Variants in TTC39C observed in about 807,000 individuals in gnomAD.
The protein encoded by TTC39C is tetratricopeptide repeat domain 39C, also known as tetratricopeptide repeat protein 39C.
A neutral mutation model predicts 76.3 loss-of-function variants in TTC39C; 33 were observed. The observed-to-expected ratio is 0.43, with a 90% confidence interval of 0.33 to 0.58. The LOEUF (loss-of-function observed/expected upper bound fraction) is 0.58. Ranked by LOEUF, TTC39C falls within the 20% of genes least tolerant of loss-of-function variation. The pLI is 0.04. For missense variants in TTC39C, 595 were observed against 701.4 expected, an observed-to-expected ratio of 0.85 and a Z score of 1.71; for synonymous variants, 254 against 260.6, an observed-to-expected ratio of 0.97 and a Z score of 0.24.
chr18:24,104,589 G>A (rs1006593503), intron 6 of TTC39C, among the ~76,000 whole-genome samples: 4 of 152,196 alleles, frequency 2.6e-5, no homozygotes, highest in African/African-American at 7.2e-5. Flanking sequence ...CTCCCCATTA[G>A]AATGAGAACT....
At chr18:23,998,575 A>G (rs1486799505) in intron 1 of TTC39C, among the ~76,000 whole-genome samples, 1 of 152,162 alleles carries the variant, frequency 6.6e-6, no homozygotes, top group Non-Finnish European at 1.5e-5. Context: ...GCACCACTGC[A>G]CTCCAGCCCG....
At chr18:24,086,526 G>A (rs1307085351) in intron 6 of TTC39C, among the ~76,000 whole-genome samples, 3 of 152,166 alleles carry the variant, frequency 2.0e-5, no homozygotes, top group Non-Finnish European at 4.4e-5. Context: ...CCTCATTGTG[G>A]TGACTTGGCT....
chr18:24,025,015 C>T (rs2083581343), intron 1 of TTC39C, among the ~76,000 whole-genome samples: 2 of 152,182 alleles, frequency 1.3e-5, no homozygotes, highest in South Asian at 2.1e-4. Context: ...TCTACAGGTG[C>T]GTGCCGCCAC....
chr18:24,038,397 C>G (rs78628593), intron 1 of TTC39C, among the ~76,000 whole-genome samples: 5 of 152,202 alleles, frequency 3.3e-5, no homozygotes, highest in Non-Finnish European at 7.3e-5. Flanking sequence ...ATCCTCCTAC[C>G]TCAGCCTCCC....
At chr18:24,112,921 C>T (rs367904999) in intron 6 of TTC39C, among the ~76,000 whole-genome samples, 8 of 152,142 alleles carry the variant, frequency 5.3e-5, no homozygotes, top group East Asian at 1.9e-4. Flanking sequence ...CCTCCACCTG[C>T]GCTCATGCAC....
Position 23,993,039 on chromosome 18 carries a change from G to GT in TTC39C, c.-17+2dup, listed in dbSNP as rs2083232111. Reference sequence around the variant, plus strand: ...TAAGAAATCTCAAGCTTCTTTTGTGGTAAGTGGCTTAATGAGACAGGGTAA... The same window carrying GT: ...TAAGAAATCTCAAGCTTCTTTTGTGGTTAAGTGGCTTAATGAGACAGGGTAA... On this transcript the variant is annotated splice_donor_variant, in intron 1 of 13. Coordinates refer to the TTC39C transcript ENST00000304621. LOFTEE classifies it low-confidence loss of function (5UTR_SPLICE). 1 of 152,220 alleles carries GT rather than the reference G, an allele frequency of 6.6e-6. No homozygotes were observed. The highest frequency in any genetic ancestry group is 2.4e-5 in the African/African-American group (1 of 41,444). 9.4% of individuals were successfully genotyped at this position (152,220 alleles called of 1,614,324 possible). A position where few individuals can be genotyped will look rare whatever the true frequency, so the allele number is the denominator to read the frequency against.
chr18:24,036,128 T>A (rs1722567990), intron 1 of TTC39C, among the ~76,000 whole-genome samples: 1 of 152,266 alleles, frequency 6.6e-6, no homozygotes, highest in Non-Finnish European at 1.5e-5. Context: ...GTTTTAATAC[T>A]GTAGCTATGT....
chr18:24,015,022 CT>C lies in TTC39C; in HGVS notation c.155del (p.Phe52SerfsTer10). On this transcript the variant is annotated frameshift_variant, in exon 1 of 14. Coordinates refer to ENST00000317571, the MANE Select transcript of TTC39C (RefSeq NM_001135993.2). LOFTEE classifies it high-confidence loss of function. Reference protein sequence around the residue: ...LNNGFRESDQLFKQYRNHSPL... With the variant: ...LNNGFRESDQXFKQYRNHSPL... ...CAACGGCTTCAGGGAGTCGGACCAG[CT>C]TTTCAAACAATACAGGTGACCCACG... 6.6e-7 allele frequency: 1 copy of C among 1,508,268 alleles called. No individual in the cohort carries two copies. Among genetic ancestry groups the C allele is most frequent in the Non-Finnish European group, 8.9e-7 (1 of 1,127,966 alleles). The allele number at this position is 1,508,268 out of a possible 1,614,324, so 93.4% of individuals were successfully genotyped here.
intron 1 of TTC39C, among the ~76,000 whole-genome samples, chr18:24,028,924 T>G (rs1024218756): frequency 1.3e-5 from 2 of 152,064 alleles, no homozygotes; most frequent in Admixed American, 1.3e-4. Flanking sequence ...GGTTTCACCA[T>G]ATTGATCAGG....
At chr18:24,062,299 A>G (rs1454788143) in intron 1 of TTC39C, among the ~76,000 whole-genome samples, 58 of 152,174 alleles carry the variant, frequency 3.8e-4, no homozygotes, top group Non-Finnish European at 2.9e-5. Flanking sequence ...GGGAAAGGGA[A>G]AAGGAGGGAA....
At chr18:24,114,527 G>A (rs193229636) in intron 6 of TTC39C, 27 bp from the exon 7 acceptor site, 96 of 1,514,708 alleles carry the variant, frequency 6.3e-5, no homozygotes, top group Admixed American at 1.2e-4. Context: ...ATCTTAGCTG[G>A]TAATTCTGTT....
At chr18:24,070,668 A>AC (rs1327198684) in intron 4 of TTC39C, among the ~76,000 whole-genome samples, 1 of 151,822 alleles carries the variant, frequency 6.6e-6, no homozygotes, top group African/African-American at 2.4e-5. Context: ...ACATGGTGAA[A>AC]CCCCGTCTCT....
At chr18:24,104,018 A>G (rs1484848245) in intron 6 of TTC39C, among the ~76,000 whole-genome samples, 1 of 149,052 alleles carries the variant, frequency 6.7e-6, no homozygotes, top group African/African-American at 2.5e-5. Context: ...TGCAACCTCC[A>G]CCTTCTGGGT....
intron 6 of TTC39C, among the ~76,000 whole-genome samples, chr18:24,086,474 A>G (rs2084440608): frequency 6.6e-6 from 1 of 152,004 alleles, no homozygotes; most frequent in Non-Finnish European, 1.5e-5. Context: ...ATATAGGAGG[A>G]TTTCTTCCAC....
intron 1 of TTC39C, among the ~76,000 whole-genome samples, chr18:24,000,860 A>G (rs1343620474): frequency 2.0e-5 from 3 of 152,170 alleles, no homozygotes; most frequent in African/African-American, 7.2e-5. Context: ...TTATCCCAGT[A>G]ATCTCGTGAA....
chr18:24,086,905 A>G (rs1599311934), intron 6 of TTC39C, among the ~76,000 whole-genome samples: 1 of 148,782 alleles, frequency 6.7e-6, no homozygotes, highest in Non-Finnish European at 1.5e-5. Flanking sequence ...CAGGTATCAC[A>G]TTTTCGTGTT....
rs2084449666 is a variant in TTC39C, at chr18:24,087,081, T to C, written c.984+4000T>C. ...GAATTTCCACAATGCAAACAATGTTTGGGAGGCTGACCAATGGGTTATATA... is the reference window on the plus strand; with the variant it reads ...GAATTTCCACAATGCAAACAATGTTCGGGAGGCTGACCAATGGGTTATATA... On this transcript the variant is annotated intron_variant, in intron 6 of 13. Transcript: ENST00000317571. Among the ~76,000 whole-genome samples the C allele has an allele frequency of 3.9e-5, 6 of 152,322 alleles. No individual in the cohort carries two copies. In the South Asian group the frequency reaches 1.2e-3, roughly 32 times the overall value.
intron 1 of TTC39C, among the ~76,000 whole-genome samples, chr18:24,038,203 C>CA (rs1230674215): frequency 2.6e-5 from 4 of 152,128 alleles, no homozygotes; most frequent in African/African-American, 7.2e-5. Context: ...CGAAAGGAGA[C>CA]AAAGATGAAT....
chr18:24,063,545 C>T (rs1236520410), intron 1 of TTC39C, among the ~76,000 whole-genome samples: 1 of 140,588 alleles, frequency 7.1e-6, no homozygotes, highest in Non-Finnish European at 1.5e-5. Context: ...CAGAGTCTCA[C>T]TCTCTCGCCC....
Sources: allele counts gnomAD v4.1 joint callset (sites outside exome capture counted in the v4.1 genomes callset), GRCh38; gene constraint gnomAD v4.1.1; transcripts MANE v1.5; gene names NCBI Gene and HGNC (gene_info 2026-07-23, HGNC 2026-07-21).